Variants in CSMD2 observed in about 807,000 individuals in gnomAD.
CSMD2 encodes CUB and Sushi multiple domains 2.
CSMD2 carries 130 observed loss-of-function variants against 398.5 expected under a neutral mutation model. The observed-to-expected ratio is 0.33, with a 90% CI of 0.28 to 0.38. CSMD2 has a LOEUF of 0.38. Ranked by LOEUF, CSMD2 falls within the 10% of genes least tolerant of loss-of-function variation. The probability of loss-of-function intolerance (pLI) is 1.00; values close to 1 mark genes in which losing one functional copy is unlikely to be tolerated. For missense variants in CSMD2, 3,829 were observed against 4,764.9 expected, an observed-to-expected ratio of 0.80 and a Z score of 5.78; for synonymous variants, 1,828 against 1,908.5, an observed-to-expected ratio of 0.96 and a Z score of 1.10.
intron 27 of CSMD2, among the ~76,000 whole-genome samples, chr1:33,653,177 T>C (rs1643856360): frequency 6.6e-6 from 1 of 152,202 alleles, no homozygotes; most frequent in Non-Finnish European, 1.5e-5. Context: ...AGACAATATC[T>C]TCTCTGTGGG....
Position 33,635,594 on chromosome 1 carries a change from C to A in CSMD2, c.4970-264G>T, listed in dbSNP as rs1642748597. ...CAGTTCTTGCCCTCTACCTATTAAC[C>A]CTGGCATTGGTCCCTGAAGTCACAG... On this transcript the variant is annotated intron_variant, in intron 30 of 70. Transcript: ENST00000373381. This position sits in a 1 kb window ranked among gnomAD's most constrained non-coding sequence, Gnocchi z 5.0. Among the ~76,000 whole-genome samples the A allele has an allele frequency of 6.6e-6, 1 of 152,202 alleles. No homozygotes were observed.
chr1:33,652,290 C>T (rs771571367), intron 28 of CSMD2, 33 bp downstream of exon 28: 2 of 1,611,334 alleles, frequency 1.2e-6, no homozygotes, highest in Non-Finnish European at 1.7e-6. Context: ...CACTCTGAAC[C>T]CTTCGTCTCC....
intron 2 of CSMD2, among the ~76,000 whole-genome samples, chr1:34,076,086 G>C (rs976574722): frequency 1.3e-5 from 2 of 152,204 alleles, no homozygotes; most frequent in African/African-American, 4.8e-5. Context: ...TGCTTTCAAG[G>C]AGATGGCTAT....
chr1:34,098,063 C>G (rs1659548795), intron 1 of CSMD2, among the ~76,000 whole-genome samples: 1 of 84,128 alleles, frequency 1.2e-5, no homozygotes, highest in Non-Finnish European at 2.2e-5. Flanking sequence ...CACATATACA[C>G]CATGGAATAC....
intron 3 of CSMD2, among the ~76,000 whole-genome samples, chr1:33,955,794 C>T (rs1645148847): frequency 8.3e-6 from 1 of 120,150 alleles, no homozygotes; most frequent in East Asian, 2.4e-4. Flanking sequence ...TATATGCTGA[C>T]ACTATTAGAC....
chr1:33,950,726 T>G (rs1228395675), intron 3 of CSMD2, among the ~76,000 whole-genome samples: 3 of 151,990 alleles, frequency 2.0e-5, no homozygotes, highest in Non-Finnish European at 4.4e-5. Context: ...TCTCCCCAGG[T>G]GAAAAAGAGG....
intron 5 of CSMD2, among the ~76,000 whole-genome samples, chr1:33,898,378 C>T (rs1346487378): frequency 6.6e-6 from 1 of 152,110 alleles, no homozygotes; most frequent in Admixed American, 6.5e-5. Flanking sequence ...AACACAACCC[C>T]CTGCTTTTTC....
chr1:33,949,192 A>T (rs1182983369), intron 3 of CSMD2, among the ~76,000 whole-genome samples: 1 of 152,244 alleles, frequency 6.6e-6, no homozygotes, highest in Non-Finnish European at 1.5e-5. Flanking sequence ...TAAACCAGGC[A>T]AAGTGCTTAT....
chr1:34,165,633 C>A (rs1641821964), upstream of CSMD2: 2 of 894,674 alleles, frequency 2.2e-6, no homozygotes, highest in African/African-American at 1.6e-5. Flanking sequence ...CAGAGACACA[C>A]GCACTCACAC....
chr1:34,084,894 G>A (rs1657678058), intron 2 of CSMD2, among the ~76,000 whole-genome samples: 1 of 152,176 alleles, frequency 6.6e-6, no homozygotes, highest in South Asian at 2.1e-4. Context: ...ATGCCCAAAG[G>A]ATTATAAATC....
intron 10 of CSMD2, among the ~76,000 whole-genome samples, chr1:33,796,308 C>A (rs1654941874): frequency 6.6e-6 from 1 of 152,226 alleles, no homozygotes. Context: ...TGTGGGAAGT[C>A]AGGGACACTG....
intron 3 of CSMD2, among the ~76,000 whole-genome samples, chr1:34,012,996 C>T (rs757981880): frequency 3.9e-5 from 6 of 152,146 alleles, no homozygotes; most frequent in African/African-American, 9.7e-5. Flanking sequence ...TGTGAACCAA[C>T]GATTAGCCTT....
chr1:33,776,335 A>T (rs1298952102), intron 12 of CSMD2, among the ~76,000 whole-genome samples: 1 of 152,228 alleles, frequency 6.6e-6, no homozygotes, highest in Non-Finnish European at 1.5e-5. Flanking sequence ...TCAAGACTGC[A>T]GTAAAGAGGG....
Position 34,126,032 on chromosome 1 carries a change from A to T in CSMD2, c.188-36839T>A, listed in dbSNP as rs78212094. On this transcript the variant is annotated intron_variant, in intron 1 of 70. Transcript: ENST00000373381. The stretch of plus-strand genomic sequence containing the variant: ...CAGCTCCAAAGAAAATCCAACAGAC[A>T]TCACTGCAGGGCATGGGAAGGCCAA... Among the ~76,000 whole-genome samples the T allele has an allele frequency of 5.3e-3, 808 of 152,272 alleles. 11 individuals are homozygous for T. Among genetic ancestry groups the T allele is most frequent in the East Asian group, 0.051 (262 of 5,166 alleles).
At chr1:33,880,131 T>C (rs1453215063) in intron 5 of CSMD2, among the ~76,000 whole-genome samples, 1 of 152,092 alleles carries the variant, frequency 6.6e-6, no homozygotes, top group Non-Finnish European at 1.5e-5. Flanking sequence ...AAAATGATGA[T>C]TTATCTAATT....
intron 1 of CSMD2, among the ~76,000 whole-genome samples, chr1:34,155,419 C>G (rs1036522530): frequency 2.0e-5 from 3 of 152,126 alleles, no homozygotes; most frequent in African/African-American, 7.2e-5. Context: ...GTACCCTGGA[C>G]GAATGTGTTA....
chr1:33,817,314 T>C (rs775830276), intron 9 of CSMD2, among the ~76,000 whole-genome samples: 18 of 152,106 alleles, frequency 1.2e-4, no homozygotes, highest in Admixed American at 2.6e-4. Flanking sequence ...TATTAACCTG[T>C]GTTGAGAATG....
chr1:33,694,400 T>C (rs1645347497), intron 24 of CSMD2, among the ~76,000 whole-genome samples: 1 of 152,172 alleles, frequency 6.6e-6, no homozygotes. Flanking sequence ...AAATTTCGTC[T>C]TGAATTGTAA....
intron 31 of CSMD2, among the ~76,000 whole-genome samples, chr1:33,634,072 A>G (rs1263498327): frequency 6.6e-6 from 1 of 152,196 alleles, no homozygotes; most frequent in East Asian, 1.9e-4. Flanking sequence ...TGGGTAGCAG[A>G]TCAGATTGGA....
Sources: gnomAD v4.1 joint callset for allele counts (sites outside exome capture counted in the v4.1 genomes callset) on GRCh38, gnomAD v4.1.1 for gene constraint, Gnocchi (gnomAD v3.1) non-coding constraint, MANE v1.5 for transcripts, NCBI Gene and HGNC (gene_info 2026-07-23, HGNC 2026-07-21) for gene names.